The following GSK3B variants were observed in gnomAD, a reference collection of about 807,000 sequenced individuals.
GSK3B encodes glycogen synthase kinase-3 beta.
A neutral mutation model predicts 56.4 loss-of-function variants in GSK3B; 15 were observed. The ratio of observed to expected loss-of-function variants is 0.27; its 90% confidence interval spans 0.18 to 0.41. The LOEUF (loss-of-function observed/expected upper bound fraction) is 0.41, where lower values mean the gene tolerates loss of function less well. Among genes scored for constraint, GSK3B ranks in the 10% least tolerant of loss-of-function variants. GSK3B has a pLI of 1.00. For synonymous variants in GSK3B, 181 were observed against 188.9 expected (o/e 0.96, Z 0.34); for missense variants, 300 against 513.4 (o/e 0.58, Z 4.02).
intron 3 of GSK3B, among the ~76,000 whole-genome samples, chr3:119,928,343 C>T (rs1193354350): frequency 2.0e-5 from 3 of 152,006 alleles, no homozygotes; most frequent in African/African-American, 4.8e-5. Flanking sequence ...TGGTGGCTCA[C>T]GCCTGTAATC....
intron 2 of GSK3B, among the ~76,000 whole-genome samples, chr3:119,987,868 A>T (rs2057530958): frequency 6.6e-6 from 1 of 152,202 alleles, no homozygotes; most frequent in South Asian, 2.1e-4. Flanking sequence ...TGTTACTCAT[A>T]TGTGTTCCAA....
intron 1 of GSK3B, among the ~76,000 whole-genome samples, chr3:120,079,030 T>C (rs975235843): frequency 6.9e-6 from 1 of 144,848 alleles, no homozygotes; most frequent in African/African-American, 2.6e-5. Flanking sequence ...AACCTCTGCT[T>C]TGCCAGGTTC....
chr3:120,030,366 C>A (rs558684940), intron 1 of GSK3B, among the ~76,000 whole-genome samples: 11 of 152,296 alleles, frequency 7.2e-5, no homozygotes, highest in Non-Finnish European at 1.5e-4. Context: ...TTTCTGTAGA[C>A]CAGACTACTC....
chr3:119,915,807 G>A (rs1449645522), intron 5 of GSK3B, among the ~76,000 whole-genome samples: 1 of 152,028 alleles, frequency 6.6e-6, no homozygotes, highest in East Asian at 1.9e-4. Flanking sequence ...ACACTGTATT[G>A]TAAATATGTA....
At chr3:119,848,961 T>C (rs2055892355) in intron 9 of GSK3B, among the ~76,000 whole-genome samples, 2 of 152,192 alleles carry the variant, frequency 1.3e-5, no homozygotes, top group Non-Finnish European at 2.9e-5. Flanking sequence ...CAATCAGACT[T>C]GGTAGCTATC....
intron 3 of GSK3B, among the ~76,000 whole-genome samples, chr3:119,940,809 G>C (rs140441856): frequency 1.1e-3 from 170 of 152,132 alleles, no homozygotes; most frequent in African/African-American, 4.1e-3. Flanking sequence ...CTGCAAACTA[G>C]AAATTTAAAA....
chr3:119,851,324 T>G (rs1248639311), intron 9 of GSK3B, among the ~76,000 whole-genome samples: 2 of 152,182 alleles, frequency 1.3e-5, no homozygotes, highest in African/African-American at 2.4e-5. Context: ...GATAAAGCAG[T>G]CTTTTCCAAT....
chr3:119,966,157 T>C (rs1205946418), intron 2 of GSK3B, among the ~76,000 whole-genome samples: 1 of 152,196 alleles, frequency 6.6e-6, no homozygotes, highest in East Asian at 1.9e-4. Flanking sequence ...ACACAGTATA[T>C]ACAACCTGAG....
At position 119,823,311 on chromosome 3, in the gene GSK3B, C is replaced by T. The variant is rs2055443507; in HGVS notation, c.*3477G>A. ...TTTCATTGAGCAAGGGTAGAGATGG[C>T]GGGAGGGAGGAAATGGGCTAAGAGT... is the stretch of plus-strand genomic sequence containing the variant. On this transcript the variant is annotated 3_prime_UTR_variant, in exon 11 of 11. Transcript: ENST00000264235. The T allele has an allele frequency of 9.7e-6, 2 of 206,924 alleles. No individual in the cohort carries two copies. The highest frequency in any genetic ancestry group is 5.9e-5 in the Admixed American group (1 of 16,808). 12.8% of individuals were successfully genotyped at this position (206,924 alleles called of 1,614,324 possible).
intron 2 of GSK3B, among the ~76,000 whole-genome samples, chr3:119,963,625 C>CAAA (rs774359104): frequency 0.018 from 1,436 of 79,024 alleles, 53 homozygotes; most frequent in African/African-American, 0.054. Flanking sequence ...TTCTTCCCCA[C>CAAA]AAAAAAAAAA....
chr3:120,086,007 A>C (rs910679678), intron 1 of GSK3B, among the ~76,000 whole-genome samples: 3 of 152,138 alleles, frequency 2.0e-5, no homozygotes, highest in African/African-American at 7.2e-5. Context: ...CTTCAGCCTA[A>C]CAATTAAGAT....
chr3:120,073,219 TAAAA>T (rs972347264), intron 1 of GSK3B, among the ~76,000 whole-genome samples: 5 of 70,630 alleles, frequency 7.1e-5, no homozygotes, highest in East Asian at 4.4e-4. Context: ...CAAAAAAAAT[TAAAA>T]AAAAAAAAAA....
At chr3:119,852,353 T>TC (rs2055942072) in intron 9 of GSK3B, among the ~76,000 whole-genome samples, 1 of 134,310 alleles carries the variant, frequency 7.4e-6, no homozygotes, top group Non-Finnish European at 1.5e-5. Flanking sequence ...CAGAACTCTA[T>TC]TTTTTTTTTT....
chr3:119,908,459 T>C (rs1392798250), intron 6 of GSK3B, among the ~76,000 whole-genome samples: 1 of 152,140 alleles, frequency 6.6e-6, no homozygotes, highest in East Asian at 1.9e-4. Flanking sequence ...TTCTACAGTA[T>C]TTTCACTAAC....
intron 2 of GSK3B, among the ~76,000 whole-genome samples, chr3:119,973,706 G>T (rs2057387752): frequency 6.6e-6 from 1 of 152,082 alleles, no homozygotes; most frequent in African/African-American, 2.4e-5. Flanking sequence ...TTATATAATT[G>T]TTCTATTTTA....
At chr3:119,849,911 G>A (rs571066112) in intron 9 of GSK3B, among the ~76,000 whole-genome samples, 2 of 151,946 alleles carry the variant, frequency 1.3e-5, no homozygotes, top group Non-Finnish European at 2.9e-5. Context: ...TGCCTCCTGG[G>A]TTCACGCGAT....
chr3:119,826,275 G>A lies in GSK3B; in HGVS notation c.*513C>T, dbSNP rs111356766. The A allele has an allele frequency of 4.2e-3, 1,195 of 286,096 alleles. 9 individuals carry two copies. The highest frequency in any genetic ancestry group is 0.025 in the African/African-American group (1,120 of 45,686). 17.7% of individuals were successfully genotyped at this position (286,096 alleles called of 1,614,324 possible). On this transcript the variant is annotated 3_prime_UTR_variant, in exon 11 of 11. Transcript: ENST00000264235. Reference sequence around the variant, plus strand: ...AAGTCTATAAATACCCGAAGATATGGATTAATTTTACAAGTGACATTTAAG... The same window carrying A: ...AAGTCTATAAATACCCGAAGATATGAATTAATTTTACAAGTGACATTTAAG...
At chr3:119,885,638 C>T in intron 7 of GSK3B, among the ~76,000 whole-genome samples, 1 of 152,158 alleles carries the variant, frequency 6.6e-6, no homozygotes, top group African/African-American at 2.4e-5. Flanking sequence ...CATCACATTA[C>T]CTGACGTCAA....
intron 8 of GSK3B, chr3:119,866,705 A>C: frequency 1.1e-6 from 1 of 895,464 alleles, no homozygotes; most frequent in Non-Finnish European, 1.8e-6. Flanking sequence ...AAGGAAAAAT[A>C]TATCCAATGT....
Sources: allele counts gnomAD v4.1 joint callset (sites outside exome capture counted in the v4.1 genomes callset), GRCh38; gene constraint gnomAD v4.1.1; transcripts MANE v1.5; gene names NCBI Gene and HGNC (gene_info 2026-07-23, HGNC 2026-07-21).